The following PSG6 variants were observed in gnomAD, a reference collection of about 807,000 sequenced individuals.
PSG6 encodes pregnancy-specific beta-1-glycoprotein 6.
PSG6 carries 51 observed loss-of-function variants against 43.3 expected under a neutral mutation model. The observed-to-expected ratio is 1.18, with a 90% CI of 0.94 to 1.49. The LOEUF is 1.49. PSG6 is among the 40% of genes most tolerant of loss of function. The pLI, the probability that PSG6 is intolerant of heterozygous loss-of-function variation, is 0.00. For missense variants in PSG6, 770 were observed against 522.2 expected, an observed-to-expected ratio of 1.47 and a Z score of -4.62; for synonymous variants, 292 against 197.6, an observed-to-expected ratio of 1.48 and a Z score of -4.01.
chr19:42,907,333 C>A (rs73550888), intron 4 of PSG6, among the ~76,000 whole-genome samples, 157 bp from the exon 5 acceptor site: 6,021 of 151,932 alleles, frequency 0.04, 507 homozygotes, highest in African/African-American at 0.14. Context: ...TGAGGTATTC[C>A]CCTGTTTCTC....
chr19:42,913,809 G>C (rs545230626), intron 2 of PSG6, among the ~76,000 whole-genome samples: 52 of 151,708 alleles, frequency 3.4e-4, no homozygotes, highest in African/African-American at 8.9e-4. Context: ...CCTAGAGGCA[G>C]ATTCAAGCAC....
chr19:42,917,559 T>C (rs1972361833), intron 1 of PSG6, among the ~76,000 whole-genome samples, 170 bp downstream of exon 1: 1 of 151,162 alleles, frequency 6.6e-6, no homozygotes, highest in Non-Finnish European at 1.5e-5. Context: ...GAGACACGTC[T>C]ACACTGTGTT....
At chr19:42,917,405 C>T (rs910012312) in intron 1 of PSG6, among the ~76,000 whole-genome samples, 8 of 146,414 alleles carry the variant, frequency 5.5e-5, no homozygotes, top group Admixed American at 1.4e-4. Flanking sequence ...GTACTGTCAC[C>T]CAGGCTGGCG....
At position 42,916,486 on chromosome 19, in the gene PSG6, T is replaced by G. The variant is rs1972336939; in HGVS notation, c.66A>C (p.Ala22=). Residue 22 remains alanine, a splice_region_variant and synonymous_variant, in exon 2 of 6, where the codon GCA becomes GCC. Transcript: ENST00000187910. ...GCAGGTTCCAGAAGTTTAAAAGTGA[T>G]GCTAGGAGGTAGAGACAGCATCAGT... is the stretch of plus-strand genomic sequence containing the variant. ...HITWKGLLLT[A]SLLNFWNLPT... is the part of the protein sequence containing the mutation. The G allele has an allele frequency of 6.2e-7, 1 of 1,608,676 alleles. No individual in the cohort carries two copies. Among genetic ancestry groups the G allele is most frequent in the African/African-American group, 1.3e-5 (1 of 74,590 alleles).
intron 1 of PSG6, among the ~76,000 whole-genome samples, chr19:42,916,718 C>G (rs1972343570): frequency 6.6e-6 from 1 of 151,032 alleles, no homozygotes; most frequent in Non-Finnish European, 1.5e-5. Context: ...TCCTTCAACA[C>G]TCCTGACCTT....
chr19:42,915,559 G>A (rs546476977), intron 2 of PSG6: 7 of 159,632 alleles, frequency 4.4e-5, no homozygotes, highest in Non-Finnish European at 8.3e-5. Flanking sequence ...CTCTGTCCTT[G>A]CCCAGATGAG....
chr19:42,911,594 G>A (rs1339296229), intron 2 of PSG6, among the ~76,000 whole-genome samples: 4 of 151,690 alleles, frequency 2.6e-5, no homozygotes, highest in African/African-American at 9.7e-5. Flanking sequence ...CTGGGTCCAT[G>A]ATGCTCCCTT....
intron 4 of PSG6, among the ~76,000 whole-genome samples, 185 bp downstream of exon 4, chr19:42,907,391 C>T (rs763604893): frequency 2.6e-5 from 4 of 151,896 alleles, no homozygotes; most frequent in African/African-American, 4.8e-5. Context: ...GAGCGCCCCT[C>T]CCCTTATATT....
Position 42,907,160 on chromosome 19 carries a change from G to A in PSG6, c.1002C>T (p.Pro334=), listed in dbSNP as rs778633257. The stretch of plus-strand genomic sequence containing the variant: ...AATAGGTGAATGAAGGGTAAATTCT[G>A]GGGAGGTCTGGACCATCTGGAGGAA... The part of the protein sequence containing the change: ...TLNVLYGPDL[P]RIYPSFTYYR... Residue 334 remains proline, a synonymous_variant, in exon 5 of 6, where the codon CCC becomes CCT. Transcript: ENST00000187910. 1.9e-6 allele frequency: 3 copies of A among 1,612,512 alleles called. No individual in the cohort carries two copies. The highest frequency in any genetic ancestry group is 1.7e-6 in the Non-Finnish European group (2 of 1,179,130).
chr19:42,914,688 A>C lies in PSG6; in HGVS notation c.427+1437T>G, dbSNP rs528541205. On this transcript the variant is annotated intron_variant, in intron 2 of 5. Coordinates refer to ENST00000187910, the MANE Select transcript of PSG6 (RefSeq NM_001031850.4). ...GTGGCTAGAACCTCCTAGGATTCTG[A>C]TTCCAAGATCCAGTCTCTAAAGAGG... Among the ~76,000 whole-genome samples, 24 of 151,648 alleles carry C rather than the reference A, an allele frequency of 1.6e-4. 1 individual carries two copies. The East Asian group carries it at 1.7e-3, about 11-fold the overall frequency.
At chr19:42,909,295 C>T (rs1287259338) in intron 3 of PSG6, among the ~76,000 whole-genome samples, 1 of 151,292 alleles carries the variant, frequency 6.6e-6, no homozygotes, top group Non-Finnish European at 1.5e-5. Context: ...TTTTTGAAGG[C>T]TTTGGGATGT....
At position 42,916,279 on chromosome 19, in the gene PSG6, C is replaced by T. The variant is rs1461592594; in HGVS notation, c.273G>A (p.Gly91=). ...SYVVHGQIIY[G]PAYSGRETVY... ...CTGTTTCTCGTCCACTGTAGGCAGG[C>T]CCATATATAATTTGACCGTGTACTA... The change falls in exon 2 of 6, where the codon GGG becomes GGA. Residue 91 remains glycine, a synonymous_variant. Transcript: ENST00000187910. 4.3e-6 allele frequency: 7 copies of T among 1,611,924 alleles called. No individual in the cohort carries two copies. Among genetic ancestry groups the T allele is most frequent in the Non-Finnish European group, 5.9e-6 (7 of 1,179,070 alleles).
At position 42,902,357 on chromosome 19, in the gene PSG6, A is replaced by G. The variant is rs1467978712; in HGVS notation, c.*55T>C. On this transcript the variant is annotated 3_prime_UTR_variant, in exon 6 of 6. Coordinates refer to ENST00000187910, the MANE Select transcript of PSG6 (RefSeq NM_001031850.4). Reference sequence around the variant, plus strand: ...TGAGTTTTTTTCTTCTTTGTCTTGAATTTCATGAAGGTATCAACCTGTTCT... The same window carrying G: ...TGAGTTTTTTTCTTCTTTGTCTTGAGTTTCATGAAGGTATCAACCTGTTCT... The G allele has an allele frequency of 6.9e-6, 11 of 1,587,102 alleles. No individual in the cohort carries two copies. In the Admixed American group the frequency reaches 8.7e-5, roughly 13 times the overall value.
rs1421954536 is a variant in PSG6 at position 42,914,219 on chromosome 19, G to T, written c.427+1906C>A. On this transcript the variant is annotated intron_variant, in intron 2 of 5. Coordinates refer to ENST00000187910, the MANE Select transcript of PSG6 (RefSeq NM_001031850.4). The stretch of plus-strand genomic sequence containing the variant: ...CTTAGTGACCTGGGGACATTGGCTC[G>T]AGAGGAAGCCTGGCAGGAGTGGCAA... Among the ~76,000 whole-genome samples the T allele has an allele frequency of 4.0e-5, 6 of 151,340 alleles. 1 individual carries two copies. The highest frequency in any genetic ancestry group is 4.3e-4 in the South Asian group (2 of 4,696).
rs768007638 is a variant in PSG6 at position 42,916,227 on chromosome 19, G to A, written c.325C>T (p.Gln109Ter). The A allele has an allele frequency of 1.2e-6, 2 of 1,612,100 alleles. No homozygotes were observed. The highest frequency in any genetic ancestry group is 8.5e-7 in the Non-Finnish European group (1 of 1,179,122). Reference protein sequence around the residue: ...TVYSNASLLIQNVTQEDAGSY... With the variant: ...TVYSNASLLI ...CCTGCATCCTCCTGTGTGACATTCT[G>A]GATCAGCAGGGATGCATTGGAATAT... The change falls in exon 2 of 6, where the codon CAG becomes TAG. Residue 109 changes from glutamine to a stop codon, truncating the protein, a stop_gained. Coordinates refer to ENST00000187910, the MANE Select transcript of PSG6 (RefSeq NM_001031850.4). LOFTEE classifies it high-confidence loss of function.
At position 42,914,551 on chromosome 19, in the gene PSG6, C is replaced by A. The variant is rs190022040; in HGVS notation, c.427+1574G>T. On this transcript the variant is annotated intron_variant, in intron 2 of 5. Transcript: ENST00000187910. ...GTCCAGGACCAAAGAGCCCTGAGAA[C>A]CCTCCGGTGGCCAAAGAACTTCAGA... Among the ~76,000 whole-genome samples, 281 of 148,830 alleles carry A rather than the reference C, an allele frequency of 1.9e-3. 8 individuals carry two copies. The highest frequency in any genetic ancestry group is 6.8e-3 in the African/African-American group (273 of 39,964).
At chr19:42,914,981 G>A (rs183964040) in intron 2 of PSG6, among the ~76,000 whole-genome samples, 15 of 151,758 alleles carry the variant, frequency 9.9e-5, no homozygotes, top group South Asian at 6.3e-4. Flanking sequence ...TAGTTCTGGA[G>A]TACAGACTAA....
chr19:42,917,062 C>G (rs1030545750), intron 1 of PSG6, among the ~76,000 whole-genome samples: 1 of 142,200 alleles, frequency 7.0e-6, no homozygotes, highest in African/African-American at 2.7e-5. Context: ...TCAGGGCCCT[C>G]CATGCCCTGG....
At chr19:42,916,633 C>T in intron 1 of PSG6, 146 bp from the exon 2 acceptor site, 1 of 1,293,888 alleles carries the variant, frequency 7.7e-7, no homozygotes, top group Non-Finnish European at 1.1e-6. Context: ...CACAAAAGGG[C>T]ATGTGTGTTT....
Sources: gnomAD v4.1 joint callset for allele counts (sites outside exome capture counted in the v4.1 genomes callset) on GRCh38, gnomAD v4.1.1 for gene constraint, MANE v1.5 for transcripts, NCBI Gene and HGNC (gene_info 2026-07-23, HGNC 2026-07-21) for gene names.